RASA3: variants seen among roughly 807,000 people sequenced by gnomAD.
RASA3 encodes ras GTPase-activating protein 3.
In RASA3, 73 loss-of-function variants were observed where a neutral mutation model predicts 110.0. The ratio of observed to expected loss-of-function variants is 0.66; its 90% CI spans 0.55 to 0.81. The LOEUF is 0.81. Ranked by LOEUF, RASA3 falls within the 30% of genes least tolerant of loss-of-function variation. The pLI is 0.00. For synonymous variants in RASA3, 500 were observed against 451.4 expected (o/e 1.11, Z -1.37); for missense variants, 976 against 1,113.2 (o/e 0.88, Z 1.75).
intron 2 of RASA3, among the ~76,000 whole-genome samples, chr13:114,072,064 T>C (rs983670880): frequency 1.3e-5 from 2 of 152,070 alleles, no homozygotes; most frequent in African/African-American, 4.8e-5. Context: ...TACACGGACA[T>C]CTTCTCTGAT....
intron 1 of RASA3, among the ~76,000 whole-genome samples, chr13:114,117,612 TGA>T (rs1456678675): frequency 8.1e-6 from 1 of 123,548 alleles, no homozygotes; most frequent in Non-Finnish European, 1.7e-5. Flanking sequence ...AGCACGTGTG[TGA>T]GGGGTGCACG....
intron 14 of RASA3, 76 bp from the exon 15 acceptor site, chr13:114,013,324 T>G: frequency 9.1e-7 from 1 of 1,094,292 alleles, no homozygotes; most frequent in South Asian, 1.5e-5. Context: ...CCCGGCCCCC[T>G]GAGGGTCCGC....
chr13:114,013,151 C>A lies in RASA3; in HGVS notation c.1503G>T (p.Pro501=). 6.2e-7 allele frequency: 1 copy of A among 1,612,196 alleles called. No individual in the cohort carries two copies. Among genetic ancestry groups the A allele is most frequent in the Admixed American group, 1.7e-5 (1 of 59,830 alleles). ...ILSPNLFQLT[P]HHTDPQTSRT... ...TCAGCCGGTCACTCACCGTGTGGTG[C>A]GGCGTGAGCTGGAAGAGGTTGGGGG... Residue 501 remains proline (P), a synonymous_variant, in exon 15 of 24, where the codon CCG becomes CCT. Transcript: ENST00000334062.
intron 18 of RASA3, among the ~76,000 whole-genome samples, chr13:114,001,625 G>A (rs1177660229): frequency 2.0e-5 from 3 of 149,656 alleles, no homozygotes; most frequent in Non-Finnish European, 4.4e-5. Context: ...GTCAGGGCGG[G>A]CAGTGGATGC....
intron 13 of RASA3, 53 bp from the exon 14 acceptor site, chr13:114,015,385 T>C (rs993632204): frequency 6.2e-7 from 1 of 1,601,850 alleles, no homozygotes; most frequent in Non-Finnish European, 8.5e-7. Context: ...CACAGGTGCG[T>C]GTAGCACCAG....
At chr13:114,075,477 G>A (rs2079654846) in intron 1 of RASA3, among the ~76,000 whole-genome samples, 2 of 89,790 alleles carry the variant, frequency 2.2e-5, no homozygotes, top group African/African-American at 4.1e-5. Flanking sequence ...ATCTCTGCGT[G>A]TGGAGGCACC....
At chr13:114,023,940 G>GC (rs1297245353) in intron 8 of RASA3, among the ~76,000 whole-genome samples, 4 of 152,186 alleles carry the variant, frequency 2.6e-5, no homozygotes, top group Admixed American at 6.5e-5. Context: ...GCCAGGCCCT[G>GC]CGACCTCTGA....
intron 1 of RASA3, among the ~76,000 whole-genome samples, chr13:114,120,528 G>T (rs11616362): frequency 3.9e-5 from 2 of 51,490 alleles, no homozygotes; most frequent in African/African-American, 1.4e-4. Context: ...CCAGACGTCG[G>T]TCAGGGCCCC....
intron 2 of RASA3, among the ~76,000 whole-genome samples, chr13:114,073,108 A>C (rs2079601841): frequency 6.6e-6 from 1 of 151,564 alleles, no homozygotes; most frequent in South Asian, 2.1e-4. Context: ...CGCTCAGGAC[A>C]TTCTCTACAC....
At chr13:114,002,625 ATTTT>A (rs1221820745) in intron 18 of RASA3, among the ~76,000 whole-genome samples, 2 of 152,072 alleles carry the variant, frequency 1.3e-5, no homozygotes, top group Non-Finnish European at 2.9e-5. Flanking sequence ...CGGCTTTAGG[ATTTT>A]TTTAAGAACC....
intron 3 of RASA3, among the ~76,000 whole-genome samples, chr13:114,044,744 G>A (rs2079024472): frequency 6.6e-6 from 1 of 151,380 alleles, no homozygotes; most frequent in Non-Finnish European, 1.5e-5. Flanking sequence ...ATATATTTCA[G>A]TGAAAAGGGA....
At chr13:114,062,320 G>A (rs2079369538) in intron 2 of RASA3, among the ~76,000 whole-genome samples, 1 of 151,966 alleles carries the variant, frequency 6.6e-6, no homozygotes, top group South Asian at 2.1e-4. Flanking sequence ...TCATTGAGGG[G>A]GGGCTCGCAT....
chr13:114,062,649 G>A (rs1200863525), intron 2 of RASA3, among the ~76,000 whole-genome samples: 1 of 151,432 alleles, frequency 6.6e-6, no homozygotes, highest in Admixed American at 6.6e-5. Context: ...TGCAGACTCG[G>A]ACACGCGTGC....
rs2052844673 is a variant in RASA3 at position 113,979,088 on chromosome 13, C to A, written c.*259G>T. On this transcript the variant is annotated 3_prime_UTR_variant, in exon 24 of 24. Coordinates refer to ENST00000334062, the MANE Select transcript of RASA3 (RefSeq NM_007368.4). ...ACTTCCTGATCCTTCAGCTGATCCCCAGATCCCCACAAACAAGGAGCAAAA... is the reference window on the plus strand; with the variant it reads ...ACTTCCTGATCCTTCAGCTGATCCCAAGATCCCCACAAACAAGGAGCAAAA... 1 of 512,238 alleles carries A rather than the reference C, an allele frequency of 2.0e-6. No homozygotes were observed. Among genetic ancestry groups the A allele is most frequent in the Admixed American group, 3.3e-5 (1 of 30,422 alleles). 31.7% of individuals were successfully genotyped at this position (512,238 alleles called of 1,614,324 possible).
chr13:114,132,344 C>T (rs1483665618), intron 1 of RASA3, 91 bp downstream of exon 1: 1 of 1,316,710 alleles, frequency 7.6e-7, no homozygotes, highest in Non-Finnish European at 9.9e-7. Context: ...CCGCCGGGGT[C>T]CCCAGCAAGG....
chr13:114,080,514 C>A (rs1347655862), intron 1 of RASA3, among the ~76,000 whole-genome samples: 1 of 152,132 alleles, frequency 6.6e-6, no homozygotes, highest in Non-Finnish European at 1.5e-5. Flanking sequence ...GGGCGGGTGA[C>A]CAGGCCCAGA....
chr13:114,097,296 G>A (rs1429856400), intron 1 of RASA3, among the ~76,000 whole-genome samples: 7 of 152,244 alleles, frequency 4.6e-5, no homozygotes, highest in African/African-American at 1.7e-4. Context: ...CAGACGGCAG[G>A]TGCCAGTGTG....
At chr13:114,061,930 G>A (rs1486948127) in intron 2 of RASA3, among the ~76,000 whole-genome samples, 1 of 152,134 alleles carries the variant, frequency 6.6e-6, no homozygotes, top group Non-Finnish European at 1.5e-5. Context: ...GCAGGGGTTG[G>A]GCGGGGAGGA....
intron 3 of RASA3, among the ~76,000 whole-genome samples, chr13:114,043,454 G>C (rs2139485826): frequency 6.6e-6 from 1 of 152,250 alleles, no homozygotes; most frequent in Middle Eastern, 3.4e-3. Flanking sequence ...CCCCTTCCCA[G>C]CTCCGGGACC....
Sources: allele counts gnomAD v4.1 joint callset (sites outside exome capture counted in the v4.1 genomes callset), GRCh38; gene constraint gnomAD v4.1.1; transcripts MANE v1.5; gene names NCBI Gene and HGNC (gene_info 2026-07-23, HGNC 2026-07-21).